The following DDAH1 variants were observed in gnomAD, a reference collection of about 807,000 sequenced individuals.
The protein encoded by DDAH1 is dimethylarginine dimethylaminohydrolase 1.
In DDAH1, 19 loss-of-function variants were observed where a neutral mutation model predicts 28.8. The ratio of observed to expected loss-of-function variants is 0.66; its 90% CI spans 0.46 to 0.97. The LOEUF is 0.97. DDAH1 is among the 50% of genes least tolerant of loss of function. The pLI is 0.00. For missense variants in DDAH1, 326 were observed against 375.9 expected, an observed-to-expected ratio of 0.87 and a Z score of 1.10; for synonymous variants, 153 against 154.4, an observed-to-expected ratio of 0.99 and a Z score of 0.07.
chr1:85,440,419 G>A (rs139596102), intron 1 of DDAH1, among the ~76,000 whole-genome samples: 22 of 152,234 alleles, frequency 1.4e-4, no homozygotes, highest in African/African-American at 4.6e-4. Flanking sequence ...TGATGTGCAA[G>A]ACCCACTCAC....
At chr1:85,492,656 A>G (rs539650773) in intron 2 of DDAH1, among the ~76,000 whole-genome samples, 1 of 152,326 alleles carries the variant, frequency 6.6e-6, no homozygotes, top group South Asian at 2.1e-4. Context: ...GAATGGCAAT[A>G]TCAGTAATGT....
At chr1:85,490,555 T>A (rs2100727573) in intron 2 of DDAH1, among the ~76,000 whole-genome samples, 1 of 152,266 alleles carries the variant, frequency 6.6e-6, no homozygotes, top group Admixed American at 6.5e-5. Context: ...CTGCTTTGAG[T>A]ACCACTCCCC....
At chr1:85,496,286 A>C (rs1240740711) in intron 1 of DDAH1, 7 of 894,866 alleles carry the variant, frequency 7.8e-6, no homozygotes, top group Non-Finnish European at 8.0e-6. Flanking sequence ...ATGAAACTGC[A>C]AATGGAGAAA....
In DDAH1 at chr1:85,464,759, G is replaced by C. The variant is rs766186036; in HGVS notation, c.287C>G (p.Pro96Arg). The C allele has an allele frequency of 3.3e-5, 51 of 1,552,280 alleles. No homozygotes were observed. Among genetic ancestry groups the C allele is most frequent in the Non-Finnish European group, 4.2e-5 (49 of 1,154,556 alleles). The part of the protein sequence containing the change: ...ETALITRPGA[P>R]SRRKEVDMMK... ...GGCAGTTACCTCCTTCCTCCGGCTC[G>C]GCGCCCCGGGTCGGGTGATGAGGGC... Residue 96 changes from proline (P) to arginine (R), a missense_variant, in exon 1 of 6, where the codon CCG becomes CGG. Transcript: ENST00000284031. The surrounding 1 kb of genome is among the most constrained non-coding windows in gnomAD (Gnocchi z 4.4).
chr1:85,438,955 TCTGATTTGAAATAA>T (rs1654067342), intron 1 of DDAH1, among the ~76,000 whole-genome samples: 1 of 152,192 alleles, frequency 6.6e-6, no homozygotes, highest in African/African-American at 2.4e-5. Context: ...ACAGACCAAA[TCTGATTTGAAATAA>T]CTCGTCTTCA....
intron 2 of DDAH1, among the ~76,000 whole-genome samples, chr1:85,475,476 A>G (rs995173214): frequency 3.9e-5 from 6 of 152,202 alleles, no homozygotes; most frequent in African/African-American, 1.2e-4. Flanking sequence ...ACCCCATTAC[A>G]ATAAAATTAT....
rs553968382 is a variant in DDAH1 at position 85,416,168 on chromosome 1, A to C, written c.303+48575T>G. Among the ~76,000 whole-genome samples the C allele has an allele frequency of 1.1e-4, 16 of 152,248 alleles. No individual in the cohort carries two copies. In the Middle Eastern group the frequency reaches 0.01, roughly 98 times the overall value. The stretch of plus-strand genomic sequence containing the variant: ...TGAAAAAAGAATATAAATTTTTTGA[A>C]TCTTTCACTCTAACAAAGTCTTATC... On this transcript the variant is annotated intron_variant, in intron 1 of 5. Transcript: ENST00000284031.
chr1:85,453,239 G>C (rs769114791), intron 1 of DDAH1, among the ~76,000 whole-genome samples: 2 of 152,106 alleles, frequency 1.3e-5, no homozygotes, highest in African/African-American at 2.4e-5. Context: ...TCCTTCTGAG[G>C]ACTGGACAGT....
intron 1 of DDAH1, among the ~76,000 whole-genome samples, chr1:85,400,605 T>A (rs1272838629): frequency 6.6e-6 from 1 of 152,180 alleles, no homozygotes. Flanking sequence ...TGGTAGATGA[T>A]GCTATTTATA....
intron 2 of DDAH1, among the ~76,000 whole-genome samples, chr1:85,484,249 T>C (rs1473560886): frequency 1.3e-5 from 2 of 150,766 alleles, no homozygotes; most frequent in African/African-American, 2.5e-5. Flanking sequence ...ATAAATTTTA[T>C]CTATCTACCT....
intron 1 of DDAH1, among the ~76,000 whole-genome samples, chr1:85,565,233 G>T (rs1659262247): frequency 6.6e-6 from 1 of 151,920 alleles, no homozygotes; most frequent in Admixed American, 6.6e-5. Context: ...ACAAATTTTT[G>T]AATGTCAGCT....
intron 2 of DDAH1, among the ~76,000 whole-genome samples, chr1:85,353,460 C>T (rs866901156): frequency 2.0e-5 from 3 of 152,010 alleles, no homozygotes; most frequent in Non-Finnish European, 2.9e-5. Context: ...GGTGATGTTA[C>T]GACAATATCC....
intron 2 of DDAH1, chr1:85,495,647 T>C (rs369625244): frequency 5.3e-5 from 8 of 152,226 alleles, no homozygotes; most frequent in African/African-American, 1.9e-4. Context: ...AAATATTCAG[T>C]ATCTTTCCAT....
chr1:85,503,264 G>T (rs924153471), intron 1 of DDAH1, among the ~76,000 whole-genome samples: 1 of 152,110 alleles, frequency 6.6e-6, no homozygotes, highest in Non-Finnish European at 1.5e-5. Context: ...GAGTGCAATG[G>T]TGTGGTCTCA....
At chr1:85,570,364 TCACACACACA>T (rs35259175) in intron 1 of DDAH1, among the ~76,000 whole-genome samples, 5 of 145,468 alleles carry the variant, frequency 3.4e-5, no homozygotes, top group African/African-American at 7.7e-5. Context: ...ACACACACTG[TCACACACACA>T]CACACACACA....
In DDAH1 at chr1:85,477,889, A is replaced by C. The variant is rs149362536; in HGVS notation, c.-7+18277T>G. On this transcript the variant is annotated intron_variant, in intron 2 of 6. Transcript: ENST00000426972. ...ATTGTACAGGAAATTTTATGCTTTT[A>C]TTCCCTAGTATATGGGCTTCTATTC... Among the ~76,000 whole-genome samples the C allele has an allele frequency of 1.9e-3, 288 of 152,202 alleles. 5 individuals are homozygous for C. In the South Asian group the frequency reaches 0.022, roughly 12 times the overall value.
intron 2 of DDAH1, among the ~76,000 whole-genome samples, chr1:85,480,487 A>C (rs1324340415): frequency 6.6e-6 from 1 of 152,146 alleles, no homozygotes; most frequent in Non-Finnish European, 1.5e-5. Flanking sequence ...GCTCACATCT[A>C]TAATCCCAGC....
At chr1:85,394,627 A>T (rs1651717494) in intron 1 of DDAH1, among the ~76,000 whole-genome samples, 1 of 152,228 alleles carries the variant, frequency 6.6e-6, no homozygotes, top group Non-Finnish European at 1.5e-5. Context: ...GCTCTTGTTT[A>T]GGTAGCAACT....
intron 1 of DDAH1, among the ~76,000 whole-genome samples, chr1:85,570,500 C>T (rs1167404492): frequency 6.6e-6 from 1 of 152,084 alleles, no homozygotes; most frequent in Non-Finnish European, 1.5e-5. Flanking sequence ...CCTCAGACTG[C>T]CCGTGGCAAC....
Sources: allele counts gnomAD v4.1 joint callset (sites outside exome capture counted in the v4.1 genomes callset), GRCh38; gene constraint gnomAD v4.1.1; non-coding constraint Gnocchi (gnomAD v3.1); transcripts MANE v1.5; gene names NCBI Gene and HGNC (gene_info 2026-07-23, HGNC 2026-07-21).